The following LPAR3 variants were observed in gnomAD, a reference collection of about 807,000 sequenced individuals.
LPAR3 encodes LPA receptor 3.
Under a neutral mutation model 17.8 loss-of-function variants are expected in LPAR3, and 7 were observed. The ratio of observed to expected loss-of-function variants is 0.39; its 90% CI spans 0.22 to 0.74. LPAR3 has a LOEUF of 0.74. Ranked by LOEUF, LPAR3 falls within the 30% of genes least tolerant of loss-of-function variation. The pLI is 0.40. For synonymous variants in LPAR3, 179 were observed against 179.9 expected (o/e 0.99, Z 0.04); for missense variants, 391 against 453.4 (o/e 0.86, Z 1.25).
intron 2 of LPAR3, among the ~76,000 whole-genome samples, chr1:84,826,615 AC>A (rs1406178554): frequency 3.8e-5 from 5 of 132,442 alleles, no homozygotes; most frequent in East Asian, 2.9e-4. Flanking sequence ...ATTGTTTTTA[AC>A]CAAAAAAAAA....
chr1:84,850,975 G>A (rs1356596534), intron 2 of LPAR3, among the ~76,000 whole-genome samples: 1 of 152,250 alleles, frequency 6.6e-6, no homozygotes, highest in Non-Finnish European at 1.5e-5. Flanking sequence ...TGGTGAGATG[G>A]TGGCTCCCAG....
intron 2 of LPAR3, among the ~76,000 whole-genome samples, chr1:84,851,659 G>A (rs999900101): frequency 1.3e-5 from 2 of 152,224 alleles, no homozygotes; most frequent in African/African-American, 4.8e-5. Context: ...GATCTTGAAA[G>A]ATGGACAGGA....
intron 1 of LPAR3, among the ~76,000 whole-genome samples, chr1:84,886,007 C>T (rs893798872): frequency 2.0e-5 from 3 of 152,152 alleles, no homozygotes; most frequent in Admixed American, 6.5e-5. Context: ...CACATATACA[C>T]ATATATTTCC....
At chr1:84,892,754 G>T (rs1015737120) in intron 1 of LPAR3, among the ~76,000 whole-genome samples, 1 of 152,228 alleles carries the variant, frequency 6.6e-6, no homozygotes, top group Non-Finnish European at 1.5e-5. Context: ...AGCAGCGGAC[G>T]CAACGCCGAT....
chr1:84,845,865 A>G (rs1169496463), intron 2 of LPAR3, among the ~76,000 whole-genome samples: 1 of 152,220 alleles, frequency 6.6e-6, no homozygotes, highest in African/African-American at 2.4e-5. Flanking sequence ...TCCACTGGGA[A>G]GTTTCTGTGA....
chr1:84,878,524 T>C lies in LPAR3; in HGVS notation c.-18-12386A>G, dbSNP rs376842658. On this transcript the variant is annotated intron_variant, in intron 1 of 2. Transcript: ENST00000370611. ...GCCCCGACACCTCTCACGCCTTCTCTTTCATGCTAAGCTACCACTTGCATG... is the reference window on the plus strand; with the variant it reads ...GCCCCGACACCTCTCACGCCTTCTCCTTCATGCTAAGCTACCACTTGCATG... Among the ~76,000 whole-genome samples the C allele has an allele frequency of 1.0e-3, 159 of 152,286 alleles. 3 individuals carry two copies. The South Asian group carries it at 0.03, about 29-fold the overall frequency.
At chr1:84,888,652 T>A (rs1660501081) in intron 1 of LPAR3, among the ~76,000 whole-genome samples, 1 of 152,210 alleles carries the variant, frequency 6.6e-6, no homozygotes. Context: ...AAGCTGCATT[T>A]ATAAAGCAAA....
chr1:84,841,231 C>T (rs1659497520), intron 2 of LPAR3, among the ~76,000 whole-genome samples: 1 of 152,164 alleles, frequency 6.6e-6, no homozygotes. Context: ...CATATTAAAT[C>T]CTACTTAAAA....
chr1:84,840,217 G>C (rs1046105938), intron 2 of LPAR3, among the ~76,000 whole-genome samples: 7 of 152,248 alleles, frequency 4.6e-5, no homozygotes, highest in African/African-American at 1.7e-4. Context: ...GAGCCGCCAT[G>C]CCTGACCAGT....
intron 2 of LPAR3, among the ~76,000 whole-genome samples, chr1:84,845,476 T>A (rs1055564538): frequency 1.3e-5 from 2 of 152,156 alleles, no homozygotes; most frequent in African/African-American, 4.8e-5. Context: ...AGCAGGTAGG[T>A]ATAAAGGCCC....
At chr1:84,829,619 G>A (rs899889897) in intron 2 of LPAR3, among the ~76,000 whole-genome samples, 11 of 151,812 alleles carry the variant, frequency 7.2e-5, no homozygotes, top group Non-Finnish European at 1.5e-4. Flanking sequence ...AAAAGATCAC[G>A]TCAGTCAGGC....
At chr1:84,825,448 G>A (rs1009510593) in intron 2 of LPAR3, among the ~76,000 whole-genome samples, 2 of 152,172 alleles carry the variant, frequency 1.3e-5, no homozygotes, top group African/African-American at 2.4e-5. Flanking sequence ...GTAAGGGCAC[G>A]CTGCCTAACT....
chr1:84,879,470 C>T (rs976641841), intron 1 of LPAR3, among the ~76,000 whole-genome samples: 2 of 151,980 alleles, frequency 1.3e-5, no homozygotes, highest in Non-Finnish European at 2.9e-5. Context: ...CACCACCATG[C>T]TCAGCTACTT....
intron 1 of LPAR3, among the ~76,000 whole-genome samples, chr1:84,868,162 T>G (rs1044834921): frequency 6.6e-6 from 1 of 152,040 alleles, no homozygotes; most frequent in African/African-American, 2.4e-5. Flanking sequence ...CAGGCTGGAG[T>G]GCAGTGGTGC....
At position 84,837,786 on chromosome 1, in the gene LPAR3, G is replaced by A. The variant is rs1259095382; in HGVS notation, c.737-23615C>T. 4.6e-5 allele frequency among the ~76,000 whole-genome samples: 7 copies of A among 152,096 alleles called. No individual in the cohort carries two copies. The East Asian group carries it at 1.3e-3, about 29-fold the overall frequency. On this transcript the variant is annotated intron_variant, in intron 2 of 2. Transcript: ENST00000370611. ...TCTTTTATATACCACTTCTTTTCTG[G>A]ACCACTGCAAAATCAAAGGGCATAT... is the stretch of plus-strand genomic sequence containing the variant.
chr1:84,819,431 G>A lies in LPAR3; in HGVS notation c.737-5260C>T, dbSNP rs552227868. Among the ~76,000 whole-genome samples, 89 of 152,216 alleles carry A rather than the reference G, an allele frequency of 5.8e-4. 1 individual carries two copies. Among genetic ancestry groups the A allele is most frequent in the Middle Eastern group, 3.4e-3 (1 of 294 alleles). ...CATCAGACCCAATAGTCAGAATCTCGGGTGGGACACAGAAATCTGCAGGAC... is the reference window on the plus strand; with the variant it reads ...CATCAGACCCAATAGTCAGAATCTCAGGTGGGACACAGAAATCTGCAGGAC... On this transcript the variant is annotated intron_variant, in intron 2 of 2. Coordinates refer to ENST00000370611, the MANE Select transcript of LPAR3 (RefSeq NM_012152.3).
At chr1:84,855,890 G>C (rs1186163345) in intron 2 of LPAR3, among the ~76,000 whole-genome samples, 1 of 152,344 alleles carries the variant, frequency 6.6e-6, no homozygotes, top group Admixed American at 6.5e-5. Context: ...TCCTGGAAAT[G>C]TGGTGTTGGA....
In LPAR3 at chr1:84,814,542, A is replaced by G. The variant is rs139393053; in HGVS notation, c.737-371T>C. 1.5e-3 allele frequency among the ~76,000 whole-genome samples: 232 copies of G among 152,324 alleles called. 1 individual carries two copies. The highest frequency in any genetic ancestry group is 5.4e-3 in the African/African-American group (225 of 41,580). On this transcript the variant is annotated intron_variant, in intron 2 of 2. Coordinates refer to ENST00000370611, the MANE Select transcript of LPAR3 (RefSeq NM_012152.3). ...TCATTATCCACATTGGACAGATAAGAAAACCAAGGCCCAATTCTAGGGGGA... is the reference window on the plus strand; with the variant it reads ...TCATTATCCACATTGGACAGATAAGGAAACCAAGGCCCAATTCTAGGGGGA...
At chr1:84,888,909 C>T (rs1175383740) in intron 1 of LPAR3, among the ~76,000 whole-genome samples, 3 of 152,118 alleles carry the variant, frequency 2.0e-5, no homozygotes, top group Non-Finnish European at 4.4e-5. Context: ...TGAACATCCT[C>T]AGGAAGGGGT....
Sources: gnomAD v4.1 joint callset for allele counts (sites outside exome capture counted in the v4.1 genomes callset) on GRCh38, gnomAD v4.1.1 for gene constraint, MANE v1.5 for transcripts, NCBI Gene and HGNC (gene_info 2026-07-23, HGNC 2026-07-21) for gene names.